Variants in TMEM8B observed in about 807,000 individuals in gnomAD.
TMEM8B encodes the protein nasopharyngeal carcinoma expressed 6.
A neutral mutation model predicts 49.3 loss-of-function variants in TMEM8B; 29 were observed. The ratio of observed to expected loss-of-function variants is 0.59; its 90% CI spans 0.44 to 0.80. The LOEUF is 0.80. TMEM8B is among the 30% of genes least tolerant of loss of function. TMEM8B has a pLI of 0.00. For missense variants in TMEM8B, 575 were observed against 658.5 expected, an observed-to-expected ratio of 0.87 and a Z score of 1.39; for synonymous variants, 264 against 272.8, an observed-to-expected ratio of 0.97 and a Z score of 0.32.
chr9:35,851,229 C>A (rs1161012740), intron 10 of TMEM8B, among the ~76,000 whole-genome samples: 2 of 152,034 alleles, frequency 1.3e-5, no homozygotes, highest in Admixed American at 6.6e-5. Context: ...CACCTCAGCC[C>A]CTTCTGCCCC....
In TMEM8B at chr9:35,863,705, T is replaced by C. The variant is rs957351282; in HGVS notation, c.*9865T>C. 6 of 152,198 alleles carry C rather than the reference T, an allele frequency of 3.9e-5. No homozygotes were observed. Among genetic ancestry groups the C allele is most frequent in the African/African-American group, 4.8e-5 (2 of 41,444 alleles). The allele number at this position is 152,198 out of a possible 1,614,324, so 9.4% of individuals were successfully genotyped here. A position where few individuals can be genotyped will look rare whatever the true frequency, so the allele number is the denominator to read the frequency against. ...GATGGAGGCTCCACCCTGTGGGACG[T>C]CACCAGTTGTTATGGCTGGGGAAGG... On this transcript the variant is annotated 3_prime_UTR_variant, in exon 13 of 13. Coordinates refer to ENST00000643932, the MANE Select transcript of TMEM8B (RefSeq NM_001042590.4).
In TMEM8B at chr9:35,853,508, G is replaced by A; in HGVS notation, c.2443G>A (p.Val815Ile). ...ALGILATAWTVRSVRRRHCYP... is the reference protein window; with the variant it reads ...ALGILATAWTIRSVRRRHCYP... ...CCCACTTCTCTGTCTCCCCCAGACA[G>A]TACGCAGCGTCCGCCGCCGGCACTG... Residue 815 changes from valine to isoleucine, a missense_variant, in exon 13 of 13, where the codon GTA becomes ATA. Transcript: ENST00000643932. This position sits in a 1 kb window ranked among gnomAD's most constrained non-coding sequence, Gnocchi z 4.2. The A allele has an allele frequency of 6.2e-7, 1 of 1,611,332 alleles. No individual in the cohort carries two copies. Among genetic ancestry groups the A allele is most frequent in the Admixed American group, 1.7e-5 (1 of 59,934 alleles).
intron 10 of TMEM8B, among the ~76,000 whole-genome samples, chr9:35,852,546 G>T (rs1237293278): frequency 6.6e-6 from 1 of 152,118 alleles, no homozygotes; most frequent in African/African-American, 2.4e-5. Context: ...GAACCCCCTG[G>T]CAGGGCACTC....
rs1395639757 is a variant in TMEM8B at position 35,857,135 on chromosome 9, G to C, written c.*3295G>C. 3 of 152,284 alleles carry C rather than the reference G, an allele frequency of 2.0e-5. No homozygotes were observed. The highest frequency in any genetic ancestry group is 4.4e-5 in the Non-Finnish European group (3 of 68,076). 9.4% of individuals were successfully genotyped at this position (152,284 alleles called of 1,614,324 possible). Reference sequence around the variant, plus strand: ...CTTGCAGCTGCCTGGGGCATGTTCAGCAGCACAGGGCTCAATCCCCACAGG... The same window carrying C: ...CTTGCAGCTGCCTGGGGCATGTTCACCAGCACAGGGCTCAATCCCCACAGG... On this transcript the variant is annotated 3_prime_UTR_variant, in exon 13 of 13. Transcript: ENST00000643932.
At chr9:35,846,765 G>A (rs1454628940) in intron 9 of TMEM8B, 52 bp from the exon 10 acceptor site, 1 of 1,569,810 alleles carries the variant, frequency 6.4e-7, no homozygotes, top group African/African-American at 1.3e-5. Flanking sequence ...CTGTGGCGTA[G>A]GCCCATAGCT....
Position 35,841,045 on chromosome 9 carries a change from C to G in TMEM8B, c.907-89C>G. The G allele has an allele frequency of 2.4e-6, 1 of 412,352 alleles. No homozygotes were observed. The highest frequency in any genetic ancestry group is 3.6e-5 in the East Asian group (1 of 28,048). 25.5% of individuals were successfully genotyped at this position (412,352 alleles called of 1,614,324 possible). A position where few individuals can be genotyped will look rare whatever the true frequency, so the allele number is the denominator to read the frequency against. ...AGTGGTGGCCGGGGCGGGGGTTTCT[C>G]CCCAGCCCGCCCAGCAGGTTCTGTT... On this transcript the variant is annotated intron_variant, in intron 3 of 12. Transcript: ENST00000643932. The surrounding 1 kb of genome is among the most constrained non-coding windows in gnomAD (Gnocchi z 5.9).
chr9:35,843,843 A>G (rs1588153562), intron 6 of TMEM8B, among the ~76,000 whole-genome samples: 2 of 150,466 alleles, frequency 1.3e-5, no homozygotes, highest in African/African-American at 4.9e-5. Flanking sequence ...GCTCACTGCA[A>G]CCTCCACTTC....
chr9:35,847,274 C>T lies in TMEM8B; in HGVS notation c.2175+279C>T, dbSNP rs184396445. ...CTGTCCACCCTGAGGGCTGAGGGGA[C>T]CTTTACTCAAATCATGGGCCAAGAA... On this transcript the variant is annotated intron_variant, in intron 10 of 12. Transcript: ENST00000643932. The T allele has an allele frequency of 3.0e-5, 26 of 863,872 alleles. No individual in the cohort carries two copies. The African/African-American group carries it at 4.0e-4, about 13-fold the overall frequency. The allele number at this position is 863,872 out of a possible 1,614,324, so 53.5% of individuals were successfully genotyped here. A position where few individuals can be genotyped will look rare whatever the true frequency, so the allele number is the denominator to read the frequency against.
chr9:35,829,467 G>A lies in TMEM8B; in HGVS notation c.20G>A (p.Arg7Gln), dbSNP rs1252058158. 7.6e-6 allele frequency: 2 copies of A among 262,516 alleles called. No individual in the cohort carries two copies. Among genetic ancestry groups the A allele is most frequent in the Non-Finnish European group, 6.5e-6 (1 of 152,756 alleles). The allele number at this position is 262,516 out of a possible 1,614,324, so 16.3% of individuals were successfully genotyped here. A position where few individuals can be genotyped will look rare whatever the true frequency, so the allele number is the denominator to read the frequency against. Residue 7 changes from arginine to glutamine, a missense_variant, in exon 1 of 13, where the codon CGG becomes CAG. Arg to Gln is a conservative substitution (Grantham distance 43, BLOSUM62 1). Transcript: ENST00000643932. MAQPLS[R>Q]PLVLSQSPPW... ...CGGGCCATGGCCCAGCCCTTGTCCCGGCCCCTCGTCCTATCCCAATCCCCG... is the reference window on the plus strand; with the variant it reads ...CGGGCCATGGCCCAGCCCTTGTCCCAGCCCCTCGTCCTATCCCAATCCCCG...
chr9:35,860,048 C>T lies in TMEM8B; in HGVS notation c.*6208C>T, dbSNP rs140192815. The T allele has an allele frequency of 2.0e-5, 3 of 152,370 alleles. No individual in the cohort carries two copies. Among genetic ancestry groups the T allele is most frequent in the African/African-American group, 7.2e-5 (3 of 41,578 alleles). 9.4% of individuals were successfully genotyped at this position (152,370 alleles called of 1,614,324 possible). A position where few individuals can be genotyped will look rare whatever the true frequency, so the allele number is the denominator to read the frequency against. On this transcript the variant is annotated 3_prime_UTR_variant, in exon 13 of 13. Coordinates refer to ENST00000643932, the MANE Select transcript of TMEM8B (RefSeq NM_001042590.4). ...GAAAAAGCTCCAACTGGCCTGGGAG[C>T]CCAGTGACCTGATGTCTGAGCTGCA...
At position 35,846,340 on chromosome 9, in the gene TMEM8B, C is replaced by T. The variant is rs755813418; in HGVS notation, c.1812C>T (p.Thr604=). 1.2e-6 allele frequency: 2 copies of T among 1,614,130 alleles called. No homozygotes were observed. Among genetic ancestry groups the T allele is most frequent in the South Asian group, 2.2e-5 (2 of 91,092 alleles). ...GAATCCCATTCCCGCAGACGGGGAC[C>T]TGGTTCCTGGCCCTCCGCTCCCTGT... ...RLRIPFPQTG[T]WFLALRSLCG... Residue 604 remains threonine (T), a synonymous_variant, in exon 8 of 13, where the codon ACC becomes ACT. Transcript: ENST00000643932.
rs1041201317 is a variant in TMEM8B at position 35,846,276 on chromosome 9, T to A, written c.1748T>A (p.Leu583His). Residue 583 changes from leucine (L) to histidine (H), a missense_variant, in exon 8 of 13, where the codon CTC becomes CAC. By Grantham distance (99) the Leu-to-His change is moderately conservative (BLOSUM62 -3). Transcript: ENST00000643932. ...CCTTCAGAGTCCCTGGCCGGCTTCCTCCTCTCTGTCAGTGCCACCACCAGG... is the reference window on the plus strand; with the variant it reads ...CCTTCAGAGTCCCTGGCCGGCTTCCACCTCTCTGTCAGTGCCACCACCAGG... ...TCSKESLAGFLLSVSATTRVA... is the reference protein window; with the variant it reads ...TCSKESLAGFHLSVSATTRVA... The A allele has an allele frequency of 2.5e-6, 4 of 1,614,216 alleles. No individual in the cohort carries two copies. Among genetic ancestry groups the A allele is most frequent in the Non-Finnish European group, 3.4e-6 (4 of 1,180,032 alleles).
At chr9:35,843,055 A>G (rs1214801306) in intron 6 of TMEM8B, among the ~76,000 whole-genome samples, 1 of 152,176 alleles carries the variant, frequency 6.6e-6, no homozygotes, top group African/African-American at 2.4e-5. Context: ...TCTTGAGGCC[A>G]CACAGTTCAT....
chr9:35,850,323 A>G (rs1375710177), intron 10 of TMEM8B, among the ~76,000 whole-genome samples: 1 of 152,238 alleles, frequency 6.6e-6, no homozygotes, highest in Non-Finnish European at 1.5e-5. Context: ...AAAGTTATCA[A>G]CTTAGATTAG....
At position 35,846,853 on chromosome 9, in the gene TMEM8B, C is replaced by A; in HGVS notation, c.2033C>A (p.Ala678Glu). 6.2e-7 allele frequency: 1 copy of A among 1,614,106 alleles called. No individual in the cohort carries two copies. Among genetic ancestry groups the A allele is most frequent in the Non-Finnish European group, 8.5e-7 (1 of 1,180,004 alleles). The change falls in exon 10 of 13, where the codon GCG becomes GAG. Residue 678 changes from alanine to glutamate, a missense_variant. By Grantham distance (107) the Ala-to-Glu change is moderately radical. Transcript: ENST00000643932. ...RGWGCTDSAD[A>E]LTYGFQLLST... ...TGGGGCTGCACCGACAGTGCAGATGCGCTCACCTATGGATTCCAGCTGCTG... is the reference window on the plus strand; with the variant it reads ...TGGGGCTGCACCGACAGTGCAGATGAGCTCACCTATGGATTCCAGCTGCTG...
rs1829662531 is a variant in TMEM8B at position 35,829,735 on chromosome 9, T to A, written c.288T>A (p.Leu96=). The change falls in exon 1 of 13, where the codon CTT becomes CTA. Residue 96 remains leucine, a synonymous_variant. Coordinates refer to ENST00000643932, the MANE Select transcript of TMEM8B (RefSeq NM_001042590.4). ...PLLQSPSQPF[L]PSHSLPLFKP... ...TGCAGTCCCCATCACAGCCCTTCCT[T>A]CCATCCCACTCCCTGCCCTTGTTCA... The A allele has an allele frequency of 2.4e-6, 1 of 410,622 alleles. No individual in the cohort carries two copies. The allele number at this position is 410,622 out of a possible 1,614,324, so 25.4% of individuals were successfully genotyped here. A position where few individuals can be genotyped will look rare whatever the true frequency, so the allele number is the denominator to read the frequency against.
chr9:35,861,871 T>G lies in TMEM8B; in HGVS notation c.*8031T>G, dbSNP rs1832659723. ...CACCTCCTGGACAAGGGCTCCAGTG[T>G]CCTCCATGACACCAGCTTTCTCCAG... On this transcript the variant is annotated 3_prime_UTR_variant, in exon 13 of 13. Transcript: ENST00000643932. The G allele has an allele frequency of 6.6e-6, 1 of 152,212 alleles. No homozygotes were observed. The highest frequency in any genetic ancestry group is 1.5e-5 in the Non-Finnish European group (1 of 68,066). The allele number at this position is 152,212 out of a possible 1,614,324, so 9.4% of individuals were successfully genotyped here.
intron 1 of TMEM8B, among the ~76,000 whole-genome samples, chr9:35,832,725 G>T (rs1830034458): frequency 6.6e-6 from 1 of 152,144 alleles, no homozygotes; most frequent in African/African-American, 2.4e-5. Flanking sequence ...CTTTGAGGAG[G>T]ATCAGCCCTT....
At position 35,857,552 on chromosome 9, in the gene TMEM8B, CT is replaced by C. The variant is rs1427103720; in HGVS notation, c.*3713del. ...GTGAAGGGCATAGTGGAAAATCAGG[CT>C]GAAGAAGCAGGTGGGGGCAGATTCT... On this transcript the variant is annotated 3_prime_UTR_variant, in exon 13 of 13. Coordinates refer to ENST00000643932, the MANE Select transcript of TMEM8B (RefSeq NM_001042590.4). The C allele has an allele frequency of 6.6e-6, 1 of 152,222 alleles. No homozygotes were observed. Among genetic ancestry groups the C allele is most frequent in the Admixed American group, 6.5e-5 (1 of 15,278 alleles). The allele number at this position is 152,222 out of a possible 1,614,324, so 9.4% of individuals were successfully genotyped here.
Sources: allele counts gnomAD v4.1 joint callset (sites outside exome capture counted in the v4.1 genomes callset), GRCh38; gene constraint gnomAD v4.1.1; non-coding constraint Gnocchi (gnomAD v3.1); transcripts MANE v1.5; gene names NCBI Gene and HGNC (gene_info 2026-07-23, HGNC 2026-07-21).